SULT2B1: variants seen among roughly 807,000 people sequenced by gnomAD.
SULT2B1 encodes sulfotransferase 2B1.
In SULT2B1, 16 loss-of-function variants were observed where a neutral mutation model predicts 33.2. That is an observed-to-expected ratio of 0.48 (90% CI 0.33 to 0.73). The LOEUF is 0.73. Ranked by LOEUF, SULT2B1 falls within the 30% of genes least tolerant of loss-of-function variation. SULT2B1 has a pLI of 0.02. For synonymous variants in SULT2B1, 186 were observed against 200.5 expected, an observed-to-expected ratio of 0.93 and a Z score of 0.61; for missense variants, 500 against 506.0, an observed-to-expected ratio of 0.99 and a Z score of 0.11.
At chr19:48,569,173 T>C (rs1169503150) in intron 1 of SULT2B1, among the ~76,000 whole-genome samples, 6 of 151,132 alleles carry the variant, frequency 4.0e-5, no homozygotes, top group Non-Finnish European at 8.8e-5. Flanking sequence ...AAACCCTGTC[T>C]CTACTAAAAA....
chr19:48,562,833 C>T (rs2147600314), intron 1 of SULT2B1, among the ~76,000 whole-genome samples: 1 of 152,084 alleles, frequency 6.6e-6, no homozygotes, highest in African/African-American at 2.4e-5. Context: ...GCATGTACCA[C>T]CATACCCAGC....
intron 3 of SULT2B1, among the ~76,000 whole-genome samples, chr19:48,588,984 G>A (rs900235812): frequency 6.6e-6 from 1 of 152,226 alleles, no homozygotes; most frequent in Admixed American, 6.5e-5. Flanking sequence ...GTGCGGACTT[G>A]AGCTCTGACC....
chr19:48,593,225 G>A (rs976183307), intron 5 of SULT2B1, among the ~76,000 whole-genome samples: 3 of 151,840 alleles, frequency 2.0e-5, no homozygotes, highest in Admixed American at 6.6e-5. Context: ...ACTGTACTCC[G>A]GCCTGGGCAG....
At chr19:48,582,690 A>G (rs572370430) in intron 2 of SULT2B1, among the ~76,000 whole-genome samples, 11 of 152,078 alleles carry the variant, frequency 7.2e-5, no homozygotes, top group African/African-American at 2.4e-4. Context: ...TAAAAATACA[A>G]AAATTAGCTG....
chr19:48,576,201 G>C (rs531875933), intron 2 of SULT2B1, 118 bp downstream of exon 2: 1 of 920,902 alleles, frequency 1.1e-6, no homozygotes, highest in Admixed American at 2.5e-5. Flanking sequence ...GGTCTGTTCA[G>C]AGCGGTGCCC....
In SULT2B1 at chr19:48,591,540, G is replaced by C. The variant is rs561298670; in HGVS notation, c.424-69G>C. On this transcript the variant is annotated intron_variant, in intron 3 of 6. Transcript: ENST00000201586. ...CAGAAGAGAGGGGTCTCCAGGGCAG[G>C]AGGCCTCAGGGGCTGGGGTCTTGCC... 8 of 1,539,556 alleles carry C rather than the reference G, an allele frequency of 5.2e-6. No homozygotes were observed. In the East Asian group the frequency reaches 1.2e-4, roughly 22 times the overall value.
intron 1 of SULT2B1, among the ~76,000 whole-genome samples, chr19:48,566,973 A>T (rs971841813): frequency 6.6e-6 from 1 of 152,050 alleles, no homozygotes; most frequent in Admixed American, 6.6e-5. Flanking sequence ...ACTGCACTCC[A>T]ACCTGGGCGA....
rs1973764340 is a variant in SULT2B1, at chr19:48,599,183, C to A, written c.875C>A (p.Ala292Asp). The change falls in exon 7 of 7, where the codon GCC becomes GAC. Residue 292 changes from alanine (A) to aspartate (D), a missense_variant. Coordinates refer to ENST00000201586, the MANE Select transcript of SULT2B1 (RefSeq NM_177973.2). This position sits in a 1 kb window ranked among gnomAD's most constrained non-coding sequence, Gnocchi z 4.1. ...KNHFTVAQSE[A>D]FDRAYRKQMR... ...CACTTCACGGTGGCCCAGAGCGAAG[C>A]CTTCGATCGTGCCTACCGCAAGCAG... 6 of 1,601,472 alleles carry A rather than the reference C, an allele frequency of 3.7e-6. No homozygotes were observed. The highest frequency in any genetic ancestry group is 5.1e-6 in the Non-Finnish European group (6 of 1,176,642).
chr19:48,570,717 C>T (rs8111787), intron 1 of SULT2B1, among the ~76,000 whole-genome samples: 97,993 of 151,104 alleles, frequency 0.65, 32,551 homozygotes, highest in African/African-American at 0.75. Flanking sequence ...TTTTGTTTTC[C>T]GTTTTTGTTT....
Position 48,553,651 on chromosome 19 carries a change from C to A in SULT2B1, c.71+1328C>A, listed in dbSNP as rs549837915. Among the ~76,000 whole-genome samples the A allele has an allele frequency of 4.9e-4, 75 of 152,250 alleles. 1 individual carries two copies. The South Asian group carries it at 0.013, about 26-fold the overall frequency. On this transcript the variant is annotated intron_variant, in intron 1 of 6. Coordinates refer to ENST00000201586, the MANE Select transcript of SULT2B1 (RefSeq NM_177973.2). ...CCACTGTTTCAGGCCCTCCCCTCCC[C>A]TCCCTCAGCCAGAAGCTGGGGCATG...
intron 1 of SULT2B1, among the ~76,000 whole-genome samples, chr19:48,556,025 C>T (rs1973095620): frequency 6.6e-6 from 1 of 152,166 alleles, no homozygotes; most frequent in East Asian, 1.9e-4. Flanking sequence ...CAGGTGTGAG[C>T]CACCGCGCCC....
At chr19:48,579,440 A>ACG (rs1973455638) in intron 2 of SULT2B1, among the ~76,000 whole-genome samples, 1 of 149,862 alleles carries the variant, frequency 6.7e-6, no homozygotes, top group Admixed American at 6.7e-5. Context: ...CCACCACCAT[A>ACG]CCCAGCTAAT....
chr19:48,592,774 CAA>C lies in SULT2B1; in HGVS notation c.605_606del (p.Lys202ArgfsTer109). 6.3e-7 allele frequency: 1 copy of C among 1,595,446 alleles called. No individual in the cohort carries two copies. Among genetic ancestry groups the C allele is most frequent in the Non-Finnish European group, 8.5e-7 (1 of 1,170,466 alleles). Reference protein sequence around the residue: ...HIKGWLRMKGKDNFLFITYEE... With the variant: ...HIKGWLRMKGXDNFLFITYEE... The stretch of plus-strand genomic sequence containing the variant: ...TTAAGGGCTGGCTTCGGATGAAGGG[CAA>C]AGACAACTTCCTATTTATCACCTAC... On this transcript the variant is annotated frameshift_variant, in exon 5 of 7. Coordinates refer to ENST00000201586, the MANE Select transcript of SULT2B1 (RefSeq NM_177973.2). LOFTEE classifies it high-confidence loss of function.
intron 1 of SULT2B1, among the ~76,000 whole-genome samples, chr19:48,570,483 C>G (rs552157339): frequency 3.2e-4 from 48 of 151,658 alleles, no homozygotes; most frequent in African/African-American, 1.2e-3. Flanking sequence ...CCGGCCAGTT[C>G]TTTTTCATCG....
intron 1 of SULT2B1, among the ~76,000 whole-genome samples, chr19:48,562,476 C>A (rs553493956): frequency 2.7e-4 from 41 of 150,840 alleles, no homozygotes; most frequent in African/African-American, 9.8e-4. Context: ...GCTTGAACCC[C>A]GGGAGGTAGG....
At chr19:48,553,025 C>T (rs1568400592) in intron 1 of SULT2B1, among the ~76,000 whole-genome samples, 1 of 152,154 alleles carries the variant, frequency 6.6e-6, no homozygotes, top group African/African-American at 2.4e-5. Context: ...GTCTGTCTCA[C>T]GCCAGAGCCT....
chr19:48,572,241 G>A (rs1284284698), intron 1 of SULT2B1, among the ~76,000 whole-genome samples: 1 of 152,222 alleles, frequency 6.6e-6, no homozygotes, highest in East Asian at 1.9e-4. Flanking sequence ...TGTGCTGGGA[G>A]CGGTGGCTCA....
At chr19:48,595,139 A>G (rs1181662017) in intron 5 of SULT2B1, among the ~76,000 whole-genome samples, 2 of 151,744 alleles carry the variant, frequency 1.3e-5, no homozygotes, top group Non-Finnish European at 2.9e-5. Flanking sequence ...AAAATTAGCC[A>G]GGCGTGGTGG....
chr19:48,552,175 C>T lies in SULT2B1; in HGVS notation c.-78C>T, dbSNP rs1008099427. ...CCTGGCGGGCTCCCCAGGTGGCAGA[C>T]GCTGTCGCTGCGCACACCTGGCCTC... On this transcript the variant is annotated 5_prime_UTR_variant, in exon 1 of 7. The change creates a new upstream start codon in the 5' untranslated region. Coordinates refer to ENST00000201586, the MANE Select transcript of SULT2B1 (RefSeq NM_177973.2). The surrounding 1 kb of genome is among the most constrained non-coding windows in gnomAD (Gnocchi z 4.8). 67 of 1,438,856 alleles carry T rather than the reference C, an allele frequency of 4.7e-5. No individual in the cohort carries two copies. The highest frequency in any genetic ancestry group is 2.4e-4 in the East Asian group (10 of 42,328). The allele number at this position is 1,438,856 out of a possible 1,614,324, so 89.1% of individuals were successfully genotyped here. A position where few individuals can be genotyped will look rare whatever the true frequency, so the allele number is the denominator to read the frequency against.
Sources: allele counts gnomAD v4.1 joint callset (sites outside exome capture counted in the v4.1 genomes callset), GRCh38; gene constraint gnomAD v4.1.1; non-coding constraint Gnocchi (gnomAD v3.1); transcripts MANE v1.5; gene names NCBI Gene and HGNC (gene_info 2026-07-23, HGNC 2026-07-21).